ARID1B: variants seen among roughly 807,000 people sequenced by gnomAD.
ARID1B encodes AT-rich interactive domain-containing protein 1B.
ARID1B carries 30 observed loss-of-function variants against 212.3 expected under a neutral mutation model. The ratio of observed to expected loss-of-function variants is 0.14; its 90% CI spans 0.11 to 0.19. The LOEUF (loss-of-function observed/expected upper bound fraction) is 0.19, where lower values mean the gene tolerates loss of function less well. ARID1B is among the 10% of genes least tolerant of loss of function. The pLI is 1.00. For missense variants in ARID1B, 2,891 were observed against 3,204.0 expected (o/e 0.90, Z 2.36); for synonymous variants, 1,402 against 1,301.7 (o/e 1.08, Z -1.66).
chr6:156,994,123 C>A (rs997241904), intron 4 of ARID1B, among the ~76,000 whole-genome samples: 4 of 152,086 alleles, frequency 2.6e-5, no homozygotes, highest in South Asian at 2.1e-4. Context: ...TCCATAAGTA[C>A]ATTTTAAGAA....
chr6:157,048,210 T>G (rs112548920), intron 4 of ARID1B, among the ~76,000 whole-genome samples: 3 of 152,184 alleles, frequency 2.0e-5, no homozygotes, highest in African/African-American at 7.2e-5. Flanking sequence ...GGAATATGCT[T>G]AAAGCCAAGT....
intron 16 of ARID1B, chr6:157,198,420 C>A (rs1419314675): frequency 1.1e-5 from 2 of 174,482 alleles, no homozygotes; most frequent in African/African-American, 4.7e-5. Context: ...CTTGCTGTTT[C>A]TTGCTTCCCT....
At chr6:156,883,251 A>G (rs1787244696) in intron 2 of ARID1B, among the ~76,000 whole-genome samples, 1 of 152,108 alleles carries the variant, frequency 6.6e-6, no homozygotes, top group Non-Finnish European at 1.5e-5. Context: ...TAGTAGTTAT[A>G]ATTTCTTCTA....
At chr6:156,954,651 C>T (rs927400273) in intron 4 of ARID1B, among the ~76,000 whole-genome samples, 5 of 151,982 alleles carry the variant, frequency 3.3e-5, no homozygotes, top group South Asian at 2.1e-4. Context: ...TACATTAGCT[C>T]GAACTGTTTT....
intron 3 of ARID1B, among the ~76,000 whole-genome samples, chr6:156,933,373 C>T (rs868698779): frequency 7.9e-5 from 12 of 152,276 alleles, no homozygotes; most frequent in South Asian, 6.2e-4. Context: ...AGGGTGAAGG[C>T]CCCTGAATAG....
chr6:156,923,363 A>G (rs1790959264), intron 3 of ARID1B, among the ~76,000 whole-genome samples: 1 of 152,154 alleles, frequency 6.6e-6, no homozygotes, highest in African/African-American at 2.4e-5. Flanking sequence ...CCGGTTGGGA[A>G]TTGTCAGCTG....
At chr6:156,887,251 C>T (rs1047605775) in intron 2 of ARID1B, among the ~76,000 whole-genome samples, 4 of 152,178 alleles carry the variant, frequency 2.6e-5, no homozygotes, top group East Asian at 1.9e-4. Flanking sequence ...GTGCCAGTAA[C>T]GTACCAATGC....
intron 2 of ARID1B, among the ~76,000 whole-genome samples, chr6:156,868,666 C>T (rs374400310): frequency 1.4e-4 from 22 of 152,228 alleles, no homozygotes; most frequent in East Asian, 9.7e-4. Flanking sequence ...AGTCACCTCC[C>T]GAAGGCCCCA....
In ARID1B at chr6:156,884,855, T is replaced by G. The variant is rs573325376; in HGVS notation, c.1987-16521T>G. On this transcript the variant is annotated intron_variant, in intron 2 of 19. Coordinates refer to ENST00000636930, the MANE Select transcript of ARID1B (RefSeq NM_001374828.1). ...AGCCCTGGTCAGAAAATATTATCAT[T>G]TCCCCCCAGTTCCTTATACCTTGTC... 6.6e-5 allele frequency among the ~76,000 whole-genome samples: 10 copies of G among 152,294 alleles called. No homozygotes were observed. The South Asian group carries it at 2.1e-3, about 32-fold the overall frequency.
intron 5 of ARID1B, among the ~76,000 whole-genome samples, chr6:157,086,159 G>T (rs149279472): frequency 6.6e-6 from 1 of 152,188 alleles, no homozygotes; most frequent in Admixed American, 6.5e-5. Context: ...TCTTGGGCAG[G>T]TCAGATAATA....
intron 1 of ARID1B, among the ~76,000 whole-genome samples, chr6:156,818,942 TAA>T (rs368029736): frequency 6.8e-6 from 1 of 146,532 alleles, no homozygotes. Context: ...TCTATCCTTT[TAA>T]AAAAAAAAAA....
rs955823469 is a variant in ARID1B at position 156,928,410 on chromosome 6, A to G, written c.2137-7056A>G. 2.6e-5 allele frequency among the ~76,000 whole-genome samples: 4 copies of G among 152,140 alleles called. 1 individual carries two copies. Among genetic ancestry groups the G allele is most frequent in the South Asian group, 4.1e-4 (2 of 4,822 alleles). ...GAGTTGTGTGGGGTGGCTCTGAGCA[A>G]TCTCATTTGGGTGCTCTCCTTCGGT... On this transcript the variant is annotated intron_variant, in intron 3 of 19. Coordinates refer to ENST00000636930, the MANE Select transcript of ARID1B (RefSeq NM_001374828.1).
At chr6:156,895,853 C>T (rs993409128) in intron 2 of ARID1B, among the ~76,000 whole-genome samples, 3 of 152,172 alleles carry the variant, frequency 2.0e-5, no homozygotes, top group Non-Finnish European at 4.4e-5. Flanking sequence ...GCTGAAGCCA[C>T]GCCCCATAAT....
In ARID1B at chr6:157,203,920, A is replaced by C; in HGVS notation, c.5318A>C (p.Glu1773Ala). Reference protein sequence around the residue: ...MMSLKSGLLAESTWALDTINI... With the variant: ...MMSLKSGLLAASTWALDTINI... ...TCCCTTAAATCAGGTCTTTTGGCTG[A>C]GAGTACGTGGGCTTTGGACACTATT... Residue 1773 changes from glutamate (E) to alanine (A), a missense_variant, in exon 19 of 20, where the codon GAG becomes GCG. Physicochemically the swap from Glu to Ala is moderately radical, Grantham distance 107 (BLOSUM62 -1). Coordinates refer to ENST00000636930, the MANE Select transcript of ARID1B (RefSeq NM_001374828.1). This position sits in a 1 kb window ranked among gnomAD's most constrained non-coding sequence, Gnocchi z 4.4. The C allele has an allele frequency of 6.2e-7, 1 of 1,614,144 alleles. No individual in the cohort carries two copies. The highest frequency in any genetic ancestry group is 8.5e-7 in the Non-Finnish European group (1 of 1,179,996).
In ARID1B at chr6:157,122,833, C is replaced by T. The variant is rs142284734; in HGVS notation, c.2582-10195C>T. On this transcript the variant is annotated intron_variant, in intron 6 of 19. Transcript: ENST00000636930. ...AGCTGGGATTACAGGTGTGCACCACCACACCCAGCTAACTTTTTTGGTATT... is the reference window on the plus strand; with the variant it reads ...AGCTGGGATTACAGGTGTGCACCACTACACCCAGCTAACTTTTTTGGTATT... Among the ~76,000 whole-genome samples the T allele has an allele frequency of 7.1e-4, 108 of 152,246 alleles. No individual in the cohort carries two copies. In the East Asian group the frequency reaches 0.015, roughly 21 times the overall value.
chr6:157,003,866 AT>A lies in ARID1B; in HGVS notation c.2247+68301del, dbSNP rs1554281399. Among the ~76,000 whole-genome samples, 732 of 148,938 alleles carry A rather than the reference AT, an allele frequency of 4.9e-3. 5 individuals carry two copies. Among genetic ancestry groups the A allele is most frequent in the African/African-American group, 0.017 (699 of 40,584 alleles). ...ACTGTTCCTGGATAATTAAAAAAAA[AT>A]TTTTTTTTTTCACTTTGGCCGAGAG... On this transcript the variant is annotated intron_variant, in intron 4 of 19. Transcript: ENST00000636930.
At position 157,210,509 on chromosome 6, in the gene ARID1B, C is replaced by T. The variant is rs1794703085; in HGVS notation, c.*2618C>T. 1 of 232,444 alleles carries T rather than the reference C, an allele frequency of 4.3e-6. No homozygotes were observed. Among genetic ancestry groups the T allele is most frequent in the South Asian group, 1.8e-4 (1 of 5,508 alleles). The allele number at this position is 232,444 out of a possible 1,614,324, so 14.4% of individuals were successfully genotyped here. On this transcript the variant is annotated 3_prime_UTR_variant, in exon 20 of 20. Transcript: ENST00000636930. ...CGCAACACAGTCTCTAGAGACTAAT[C>T]CAGGAAGACTTTAGCCTCCTTTCCA...
At chr6:156,959,925 C>CTTTTTT (rs138881152) in intron 4 of ARID1B, among the ~76,000 whole-genome samples, 36 of 122,582 alleles carry the variant, frequency 2.9e-4, no homozygotes, top group East Asian at 8.0e-4. Flanking sequence ...TTGTCAGCTT[C>CTTTTTT]TTTTTTTTTT....
At chr6:156,798,316 C>T (rs1562392842) in intron 1 of ARID1B, among the ~76,000 whole-genome samples, 1 of 152,208 alleles carries the variant, frequency 6.6e-6, no homozygotes, top group Non-Finnish European at 1.5e-5. Flanking sequence ...CTCTTTGTGG[C>T]CCAGTGCCTG....
Sources: allele counts gnomAD v4.1 joint callset (sites outside exome capture counted in the v4.1 genomes callset), GRCh38; gene constraint gnomAD v4.1.1; non-coding constraint Gnocchi (gnomAD v3.1); transcripts MANE v1.5; gene names NCBI Gene and HGNC (gene_info 2026-07-23, HGNC 2026-07-21).